The following KYNU variants were observed in gnomAD, a reference collection of about 807,000 sequenced individuals.
The protein encoded by KYNU is kynureninase, also known as L-kynurenine hydrolase.
Under a neutral mutation model 59.2 loss-of-function variants are expected in KYNU, and 54 were observed. The ratio of observed to expected loss-of-function variants is 0.91; its 90% confidence interval spans 0.73 to 1.14. The LOEUF is 1.14. Ranked by LOEUF, KYNU falls within the 50% of genes most tolerant of loss-of-function variation. The probability of loss-of-function intolerance (pLI) is 0.00; values close to 1 mark genes in which losing one functional copy is unlikely to be tolerated. For missense variants in KYNU, 567 were observed against 554.4 expected (o/e 1.02, Z -0.23); for synonymous variants, 177 against 192.0 (o/e 0.92, Z 0.65).
At chr2:142,956,331 T>A (rs2105088006) in intron 6 of KYNU, 57 bp downstream of exon 6, 1 of 1,107,782 alleles carries the variant, frequency 9.0e-7, no homozygotes, top group South Asian at 1.3e-5. Context: ...GAGCAGTGTA[T>A]CATTTGCCTG....
In KYNU at chr2:143,040,666, T is replaced by C; in HGVS notation, c.1272+8T>C. The C allele has an allele frequency of 1.3e-6, 2 of 1,564,770 alleles. No individual in the cohort carries two copies. Among genetic ancestry groups the C allele is most frequent in the Non-Finnish European group, 1.7e-6 (2 of 1,144,888 alleles). ...GAAAAAAGAGGAGTGGTTGTAAGTA[T>C]GTCTTGCTTTGCTACCAGATTTTGT... On this transcript the variant is annotated splice_region_variant and intron_variant, in intron 13 of 13. Transcript: ENST00000264170.
At chr2:142,960,369 T>C (rs1184070071) in intron 7 of KYNU, among the ~76,000 whole-genome samples, 1 of 152,172 alleles carries the variant, frequency 6.6e-6, no homozygotes, top group Non-Finnish European at 1.5e-5. Flanking sequence ...TTTTAAAAAC[T>C]GGAGAATAAA....
intron 8 of KYNU, among the ~76,000 whole-genome samples, chr2:142,980,975 G>T (rs1685035695): frequency 6.6e-6 from 1 of 152,048 alleles, no homozygotes; most frequent in South Asian, 2.1e-4. Context: ...TGTTTAAGAT[G>T]CTGCCATCTA....
At chr2:142,892,873 G>C (rs771211981) in intron 2 of KYNU, among the ~76,000 whole-genome samples, 11 of 152,126 alleles carry the variant, frequency 7.2e-5, no homozygotes, top group African/African-American at 2.7e-4. Context: ...GCTGTTACAA[G>C]CAGTGAGAAT....
intron 2 of KYNU, among the ~76,000 whole-genome samples, chr2:142,916,414 C>CA (rs1277876160): frequency 6.6e-6 from 1 of 151,956 alleles, no homozygotes; most frequent in African/African-American, 2.4e-5. Context: ...CCTATCATAA[C>CA]AAAAAAGAGG....
intron 7 of KYNU, chr2:142,957,958 C>A: frequency 2.3e-6 from 1 of 431,066 alleles, no homozygotes; most frequent in South Asian, 2.6e-5. Context: ...CTGTTAATAC[C>A]ACTGGATTCT....
At chr2:142,895,251 C>T (rs546785118) in intron 2 of KYNU, among the ~76,000 whole-genome samples, 1 of 152,116 alleles carries the variant, frequency 6.6e-6, no homozygotes, top group African/African-American at 2.4e-5. Context: ...AATTTCATAA[C>T]CCCCAAAAGA....
At chr2:142,888,495 TA>T (rs1344156948) in intron 2 of KYNU, among the ~76,000 whole-genome samples, 12 of 152,144 alleles carry the variant, frequency 7.9e-5, no homozygotes, top group Non-Finnish European at 1.3e-4. Flanking sequence ...TTGAATGATG[TA>T]AAACTTTATT....
At chr2:142,983,244 T>C (rs1685101012) in intron 8 of KYNU, among the ~76,000 whole-genome samples, 1 of 152,004 alleles carries the variant, frequency 6.6e-6, no homozygotes, top group Admixed American at 6.6e-5. Flanking sequence ...TCTTTTATCT[T>C]CCATCTGGGC....
At chr2:143,040,040 C>A (rs1051421850) in intron 12 of KYNU, among the ~76,000 whole-genome samples, 7 of 152,074 alleles carry the variant, frequency 4.6e-5, no homozygotes, top group African/African-American at 1.7e-4. Context: ...TTTTGTTCAT[C>A]CCAGCCTTTG....
intron 2 of KYNU, among the ~76,000 whole-genome samples, chr2:142,905,528 G>A (rs1231097840): frequency 6.6e-6 from 1 of 152,208 alleles, no homozygotes; most frequent in Non-Finnish European, 1.5e-5. Context: ...TAGGAAAGCT[G>A]CTAGGTTAAG....
chr2:142,964,948 C>G (rs1684481241), intron 8 of KYNU, among the ~76,000 whole-genome samples: 1 of 152,270 alleles, frequency 6.6e-6, no homozygotes. Context: ...TTTTGGAGCT[C>G]TGTCTTACTT....
intron 10 of KYNU, among the ~76,000 whole-genome samples, chr2:143,018,190 AG>A (rs1432818513): frequency 6.6e-6 from 1 of 152,094 alleles, no homozygotes; most frequent in Non-Finnish European, 1.5e-5. Context: ...ATTGCTTTTG[AG>A]GACTCAGTCA....
intron 10 of KYNU, among the ~76,000 whole-genome samples, chr2:142,997,993 A>G (rs74712329): frequency 6.6e-6 from 1 of 152,154 alleles, no homozygotes; most frequent in Non-Finnish European, 1.5e-5. Flanking sequence ...GATGCTTTCC[A>G]TTTGATAACA....
chr2:142,893,315 G>GA (rs1313896129), intron 2 of KYNU, among the ~76,000 whole-genome samples: 1 of 152,174 alleles, frequency 6.6e-6, no homozygotes, highest in African/African-American at 2.4e-5. Flanking sequence ...GAAGAACAAG[G>GA]AAAGTGTCGT....
chr2:142,885,230 A>C lies in KYNU; in HGVS notation c.-19-119A>C, dbSNP rs894903830. ...AGTTTAATGCTGGTTGGTTAAGTATATTATTCCTGAGGTTGGGAAAAGGGA... is the reference window on the plus strand; with the variant it reads ...AGTTTAATGCTGGTTGGTTAAGTATCTTATTCCTGAGGTTGGGAAAAGGGA... On this transcript the variant is annotated intron_variant, in intron 1 of 13. Transcript: ENST00000264170. 21 of 776,800 alleles carry C rather than the reference A, an allele frequency of 2.7e-5. No homozygotes were observed. The African/African-American group carries it at 3.6e-4, about 13-fold the overall frequency. 48.1% of individuals were successfully genotyped at this position (776,800 alleles called of 1,614,324 possible).
In KYNU at chr2:142,927,749, C is replaced by T; in HGVS notation, c.373+8C>T. ...TTATGAAGGACATTGTAGGTAAGTA[C>T]AAAACACTGAAGTTTTTCCAAATGA... On this transcript the variant is annotated splice_region_variant and intron_variant, in intron 4 of 13. Coordinates refer to ENST00000264170, the MANE Select transcript of KYNU (RefSeq NM_003937.3). 6.3e-7 allele frequency: 1 copy of T among 1,579,676 alleles called. No homozygotes were observed. The highest frequency in any genetic ancestry group is 8.7e-7 in the Non-Finnish European group (1 of 1,148,944).
chr2:142,943,520 A>G (rs1341051497), intron 4 of KYNU, among the ~76,000 whole-genome samples: 1 of 152,196 alleles, frequency 6.6e-6, no homozygotes, highest in Non-Finnish European at 1.5e-5. Context: ...TAATTCTTCA[A>G]AACATGGAAT....
rs772137549 is a variant in KYNU, at chr2:143,055,565, T to C, written c.*13393T>C. 1 of 151,434 alleles carries C rather than the reference T, an allele frequency of 6.6e-6. No individual in the cohort carries two copies. The highest frequency in any genetic ancestry group is 1.5e-5 in the Non-Finnish European group (1 of 67,962). The allele number at this position is 151,434 out of a possible 1,614,324, so 9.4% of individuals were successfully genotyped here. A position where few individuals can be genotyped will look rare whatever the true frequency, so the allele number is the denominator to read the frequency against. ...ATCACAATTCCTCTTTGCCATATAA[T>C]GTAAAATATTCATACCTCTAAGGAT... On this transcript the variant is annotated 3_prime_UTR_variant, in exon 14 of 14. Transcript: ENST00000264170.
Sources: allele counts gnomAD v4.1 joint callset (sites outside exome capture counted in the v4.1 genomes callset), GRCh38; gene constraint gnomAD v4.1.1; transcripts MANE v1.5; gene names NCBI Gene and HGNC (gene_info 2026-07-23, HGNC 2026-07-21).